Variants in CHD9 observed in about 807,000 individuals in gnomAD.
CHD9 encodes chromodomain helicase DNA binding protein 9, also known as ATP-dependent chromatin remodeler CHD9.
Under a neutral mutation model 316.1 loss-of-function variants are expected in CHD9, and 77 were observed. The observed-to-expected ratio is 0.24, with a 90% CI of 0.20 to 0.29. The LOEUF (loss-of-function observed/expected upper bound fraction) is 0.29, where lower values mean the gene tolerates loss of function less well. Among genes scored for constraint, CHD9 ranks in the 10% least tolerant of loss-of-function variants. The pLI, the probability that CHD9 is intolerant of heterozygous loss-of-function variation, is 1.00. For synonymous variants in CHD9, 1,129 were observed against 1,158.3 expected (o/e 0.97, Z 0.51); for missense variants, 2,763 against 3,438.1 (o/e 0.80, Z 4.91).
At chr16:53,205,864 A>C (rs1243245840) in intron 2 of CHD9, among the ~76,000 whole-genome samples, 1 of 152,184 alleles carries the variant, frequency 6.6e-6, no homozygotes, top group African/African-American at 2.4e-5. Flanking sequence ...AAATTGCTAG[A>C]GATCTCCATT....
chr16:53,114,420 G>T (rs148038509), intron 1 of CHD9, among the ~76,000 whole-genome samples: 6 of 151,292 alleles, frequency 4.0e-5, no homozygotes, highest in African/African-American at 1.5e-4. Context: ...ACCACACCTG[G>T]CTAATTTTTG....
intron 17 of CHD9, 143 bp from the exon 18 acceptor site, chr16:53,254,295 C>T: frequency 2.1e-6 from 1 of 474,290 alleles, no homozygotes. Context: ...GGTAAGCTCT[C>T]CCTTAATTTC....
chr16:53,076,459 C>T (rs12934741), intron 1 of CHD9, among the ~76,000 whole-genome samples: 27,484 of 151,862 alleles, frequency 0.18, 2,917 homozygotes, highest in South Asian at 0.33. Context: ...CCTATAATTC[C>T]AGCTACTCAG....
intron 1 of CHD9, among the ~76,000 whole-genome samples, chr16:53,133,113 G>A (rs1043478998): frequency 6.6e-6 from 1 of 152,082 alleles, no homozygotes; most frequent in Non-Finnish European, 1.5e-5. Context: ...CAGACCTGAA[G>A]TGCATTGGGA....
intron 1 of CHD9, among the ~76,000 whole-genome samples, chr16:53,133,530 A>G (rs2039488988): frequency 6.6e-6 from 1 of 152,176 alleles, no homozygotes; most frequent in African/African-American, 2.4e-5. Context: ...GGACTTTGTC[A>G]CTTAACTGTG....
intron 37 of CHD9, among the ~76,000 whole-genome samples, chr16:53,319,504 A>G (rs1379325700): frequency 1.3e-5 from 2 of 152,218 alleles, no homozygotes; most frequent in Non-Finnish European, 2.9e-5. Context: ...AGTATTTTAA[A>G]GTGTAGCATA....
rs1440377824 is a variant in CHD9, at chr16:53,321,514, T to C, written c.7714-12T>C. On this transcript the variant is annotated splice_polypyrimidine_tract_variant and intron_variant, in intron 37 of 38. Transcript: ENST00000447540. ...ACAGTGTTGTAGTATTTAATCTGTT[T>C]CTAATTTACAGGTTGGAGGTGCATT... 3 of 1,529,996 alleles carry C rather than the reference T, an allele frequency of 2.0e-6. No individual in the cohort carries two copies. Among genetic ancestry groups the C allele is most frequent in the Non-Finnish European group, 1.8e-6 (2 of 1,132,046 alleles). The allele number at this position is 1,529,996 out of a possible 1,614,324, so 94.8% of individuals were successfully genotyped here.
intron 25 of CHD9, among the ~76,000 whole-genome samples, 182 bp from the exon 26 acceptor site, chr16:53,286,044 A>C (rs1473887486): frequency 6.6e-6 from 1 of 152,248 alleles, no homozygotes. Flanking sequence ...TTTAGTAGAT[A>C]TCTATTACCA....
chr16:53,308,239 T>C (rs562834759), intron 33 of CHD9, among the ~76,000 whole-genome samples: 11 of 152,244 alleles, frequency 7.2e-5, no homozygotes, highest in Non-Finnish European at 1.3e-4. Flanking sequence ...ATATAGTATT[T>C]AAATAGTATG....
At chr16:53,056,210 A>G (rs2032097167) in intron 1 of CHD9, among the ~76,000 whole-genome samples, 1 of 152,184 alleles carries the variant, frequency 6.6e-6, no homozygotes, top group Non-Finnish European at 1.5e-5. Context: ...TGTTTATATA[A>G]CAGCAGTGTT....
In CHD9 at chr16:53,306,410, T is replaced by C; in HGVS notation, c.6780+13T>C. The stretch of plus-strand genomic sequence containing the variant: ...GTATTGGCCAAAGGTAAAGAAATAA[T>C]TTCTTATTGGGATAGGTCATTTTTT... On this transcript the variant is annotated intron_variant, in intron 32 of 38. Transcript: ENST00000447540. The C allele has an allele frequency of 6.4e-7, 1 of 1,553,710 alleles. No individual in the cohort carries two copies. Among genetic ancestry groups the C allele is most frequent in the Non-Finnish European group, 8.7e-7 (1 of 1,155,356 alleles).
intron 15 of CHD9, 25 bp from the exon 16 acceptor site, chr16:53,247,268 T>C: frequency 6.6e-7 from 1 of 1,521,830 alleles, no homozygotes; most frequent in Non-Finnish European, 9.0e-7. Flanking sequence ...CACATTGCTG[T>C]TATCTTCTCC....
intron 2 of CHD9, among the ~76,000 whole-genome samples, chr16:53,173,305 C>T (rs1403529609): frequency 6.6e-6 from 1 of 152,040 alleles, no homozygotes; most frequent in African/African-American, 2.4e-5. Flanking sequence ...TTCATTCAAG[C>T]TGTTAAATTT....
At chr16:53,197,620 C>G (rs1010329337) in intron 2 of CHD9, among the ~76,000 whole-genome samples, 36 of 151,484 alleles carry the variant, frequency 2.4e-4, no homozygotes, top group Non-Finnish European at 8.8e-5. Context: ...GACTAAGCAG[C>G]CTGTCTAGTT....
chr16:53,212,821 C>T (rs2046438366), intron 3 of CHD9, among the ~76,000 whole-genome samples: 1 of 152,140 alleles, frequency 6.6e-6, no homozygotes, highest in African/African-American at 2.4e-5. Context: ...CTTTAGGTTC[C>T]TCCTCTGTAA....
chr16:53,280,894 T>A (rs2053349285), intron 24 of CHD9, among the ~76,000 whole-genome samples: 1 of 152,138 alleles, frequency 6.6e-6, no homozygotes, highest in African/African-American at 2.4e-5. Flanking sequence ...TGATCAACTC[T>A]CCAAATTTAC....
chr16:53,182,143 T>C (rs1004357576), intron 2 of CHD9, among the ~76,000 whole-genome samples: 10 of 152,234 alleles, frequency 6.6e-5, no homozygotes, highest in Non-Finnish European at 1.5e-4. Context: ...CTGGTCATTA[T>C]GTCATAGTAT....
intron 36 of CHD9, among the ~76,000 whole-genome samples, chr16:53,317,899 T>C (rs1380708436): frequency 6.6e-6 from 1 of 151,196 alleles, no homozygotes; most frequent in Non-Finnish European, 1.5e-5. Flanking sequence ...TACAAAAAAA[T>C]AAAAAAAATT....
chr16:53,230,719 G>A (rs1423730351), intron 8 of CHD9, among the ~76,000 whole-genome samples: 1 of 152,144 alleles, frequency 6.6e-6, no homozygotes, highest in Admixed American at 6.5e-5. Flanking sequence ...AACATTAAAG[G>A]GGAGGTGAGA....
Sources: gnomAD v4.1 joint callset for allele counts (sites outside exome capture counted in the v4.1 genomes callset) on GRCh38, gnomAD v4.1.1 for gene constraint, MANE v1.5 for transcripts, NCBI Gene and HGNC (gene_info 2026-07-23, HGNC 2026-07-21) for gene names.